The following ARL6IP6 variants were observed in gnomAD, a reference collection of about 807,000 sequenced individuals.
The protein encoded by ARL6IP6 is ARF like GTPase 6 interacting protein 6, also known as ADP-ribosylation factor-like protein 6-interacting protein 6.
Under a neutral mutation model 21.5 loss-of-function variants are expected in ARL6IP6, and 22 were observed. The ratio of observed to expected loss-of-function variants is 1.02; its 90% CI spans 0.73 to 1.46. The LOEUF is 1.46. Among genes scored for constraint, ARL6IP6 ranks in the 40% most tolerant of loss-of-function variants. ARL6IP6 has a pLI of 0.00. For synonymous variants in ARL6IP6, 164 were observed against 125.3 expected, an observed-to-expected ratio of 1.31 and a Z score of -2.06; for missense variants, 388 against 299.8, an observed-to-expected ratio of 1.29 and a Z score of -2.17.
chr2:152,717,671 C>T (rs944102235), upstream of ARL6IP6: 21 of 1,415,428 alleles, frequency 1.5e-5, no homozygotes, highest in Middle Eastern at 2.6e-4. Flanking sequence ...GTTTCTGCGC[C>T]GAGTCCTCCG....
chr2:152,755,767 TCCC>T (rs1701560826), intron 3 of ARL6IP6, among the ~76,000 whole-genome samples: 1 of 152,142 alleles, frequency 6.6e-6, no homozygotes, highest in Admixed American at 6.5e-5. Flanking sequence ...GTGGTAGTGG[TCCC>T]CCGGGCCCAG....
intron 2 of ARL6IP6, among the ~76,000 whole-genome samples, chr2:152,732,316 T>A (rs1700355740): frequency 6.6e-6 from 1 of 152,036 alleles, no homozygotes; most frequent in South Asian, 2.1e-4. Context: ...GCATGAAGAG[T>A]TTCTGTTTAT....
intron 2 of ARL6IP6, among the ~76,000 whole-genome samples, chr2:152,730,726 A>G (rs1025667374): frequency 6.6e-6 from 1 of 152,024 alleles, no homozygotes; most frequent in Non-Finnish European, 1.5e-5. Flanking sequence ...TGTGGTCAGG[A>G]TGGTGTTTCA....
At chr2:152,736,763 C>A (rs1700572099) in intron 3 of ARL6IP6, among the ~76,000 whole-genome samples, 1 of 152,016 alleles carries the variant, frequency 6.6e-6, no homozygotes, top group Admixed American at 6.5e-5. Context: ...AAAAGTAATA[C>A]AAATAAAAAA....
At chr2:152,746,577 G>A (rs116822595) in intron 3 of ARL6IP6, among the ~76,000 whole-genome samples, 1 of 152,302 alleles carries the variant, frequency 6.6e-6, no homozygotes, top group African/African-American at 2.4e-5. Context: ...ATTTGAGCAA[G>A]TCAGTTAGTA....
At chr2:152,752,803 G>C (rs1701399364) in intron 3 of ARL6IP6, among the ~76,000 whole-genome samples, 1 of 152,182 alleles carries the variant, frequency 6.6e-6, no homozygotes, top group Non-Finnish European at 1.5e-5. Context: ...TGTTACTCCG[G>C]TGTGGGGAGA....
intron 3 of ARL6IP6, among the ~76,000 whole-genome samples, chr2:152,737,515 A>G (rs993099900): frequency 6.6e-6 from 1 of 152,174 alleles, no homozygotes; most frequent in African/African-American, 2.4e-5. Context: ...CATACCCAAG[A>G]CTGGGTAATT....
rs1701807340 is a variant in ARL6IP6, at chr2:152,760,802, A to G, written c.*962A>G. On this transcript the variant is annotated 3_prime_UTR_variant, in exon 4 of 4. Transcript: ENST00000326446. ...GAATGATTGAACTAGTTTGTTCTTA[A>G]TCTCAAAAATTTAGTTACCAAAGTA... The G allele has an allele frequency of 6.6e-6, 1 of 151,944 alleles. No homozygotes were observed. The highest frequency in any genetic ancestry group is 6.6e-5 in the Admixed American group (1 of 15,234). The allele number at this position is 151,944 out of a possible 1,614,324, so 9.4% of individuals were successfully genotyped here. A position where few individuals can be genotyped will look rare whatever the true frequency, so the allele number is the denominator to read the frequency against.
At chr2:152,718,599 C>A (rs751551555), upstream of ARL6IP6, 2 of 1,501,434 alleles carry the variant, frequency 1.3e-6, no homozygotes, top group South Asian at 1.4e-5. Context: ...GGCTCGTTCT[C>A]CGCGGGTTTC....
intron 2 of ARL6IP6, among the ~76,000 whole-genome samples, chr2:152,724,558 C>G (rs889862543): frequency 6.6e-6 from 1 of 152,200 alleles, no homozygotes; most frequent in Non-Finnish European, 1.5e-5. Flanking sequence ...TATTACAGGA[C>G]TCTTCTTAAC....
intron 3 of ARL6IP6, among the ~76,000 whole-genome samples, chr2:152,742,971 C>A (rs1361528060): frequency 6.6e-6 from 1 of 152,218 alleles, no homozygotes; most frequent in Non-Finnish European, 1.5e-5. Context: ...CTTACCTCCT[C>A]TGCATTATGA....
intron 2 of ARL6IP6, among the ~76,000 whole-genome samples, chr2:152,733,892 C>G (rs531395327): frequency 1.3e-5 from 2 of 152,232 alleles, no homozygotes; most frequent in Non-Finnish European, 1.5e-5. Context: ...CCCTATATCC[C>G]CATTACCTAG....
At chr2:152,748,973 G>A (rs756439487) in intron 3 of ARL6IP6, among the ~76,000 whole-genome samples, 24 of 152,058 alleles carry the variant, frequency 1.6e-4, no homozygotes, top group Non-Finnish European at 2.4e-4. Context: ...TCTTTTTAAG[G>A]TAATTTATTT....
chr2:152,746,454 C>T (rs1701051388), intron 3 of ARL6IP6, among the ~76,000 whole-genome samples: 1 of 152,124 alleles, frequency 6.6e-6, no homozygotes, highest in Admixed American at 6.5e-5. Flanking sequence ...ACTTGGAACC[C>T]TTTTTGTTTG....
At chr2:152,717,737 T>TAG (rs1699200570), upstream of ARL6IP6, 2 of 1,321,998 alleles carry the variant, frequency 1.5e-6, no homozygotes. Context: ...TGTCCCAGCT[T>TAG]CCCGAGCTTA....
chr2:152,742,073 A>C (rs1259413611), intron 3 of ARL6IP6, among the ~76,000 whole-genome samples: 1 of 152,132 alleles, frequency 6.6e-6, no homozygotes, highest in Non-Finnish European at 1.5e-5. Context: ...CAACATCTCC[A>C]GTTCATTTCT....
intron 2 of ARL6IP6, chr2:152,732,493 AT>A: frequency 2.4e-6 from 1 of 410,656 alleles, no homozygotes. Context: ...TTATATTTGG[AT>A]TTTGGATTGC....
At chr2:152,737,927 T>G (rs1700625785) in intron 3 of ARL6IP6, among the ~76,000 whole-genome samples, 1 of 152,112 alleles carries the variant, frequency 6.6e-6, no homozygotes, top group Non-Finnish European at 1.5e-5. Flanking sequence ...CATTAACTCA[T>G]AAGTCCACAG....
Position 152,760,987 on chromosome 2 carries a change from AAGTTACCTC to A in ARL6IP6, c.*1152_*1160del, listed in dbSNP as rs1401619096. ...TTACTAAAGACTTTTAATGTTTAGA[AAGTTACCTC>A]AGTTTTAGAAAGATGGACTACTTAC... On this transcript the variant is annotated 3_prime_UTR_variant, in exon 4 of 4. Coordinates refer to ENST00000326446, the MANE Select transcript of ARL6IP6 (RefSeq NM_152522.7). The A allele has an allele frequency of 5.9e-5, 9 of 152,278 alleles. No homozygotes were observed. The highest frequency in any genetic ancestry group is 2.2e-4 in the African/African-American group (9 of 41,548). 9.4% of individuals were successfully genotyped at this position (152,278 alleles called of 1,614,324 possible).
Sources: allele counts gnomAD v4.1 joint callset (sites outside exome capture counted in the v4.1 genomes callset), GRCh38; gene constraint gnomAD v4.1.1; transcripts MANE v1.5; gene names NCBI Gene and HGNC (gene_info 2026-07-23, HGNC 2026-07-21).